The following NRXN3 variants were observed in gnomAD, a reference collection of about 807,000 sequenced individuals.
NRXN3 encodes the protein neurexin 3, also known as neurexin III.
NRXN3 carries 32 observed loss-of-function variants against 137.6 expected under a neutral mutation model. The ratio of observed to expected loss-of-function variants is 0.23; its 90% CI spans 0.18 to 0.31. The LOEUF (loss-of-function observed/expected upper bound fraction) is 0.31, where lower values mean the gene tolerates loss of function less well. NRXN3 is among the 10% of genes least tolerant of loss of function. The probability of loss-of-function intolerance (pLI) is 1.00; values close to 1 mark genes in which losing one functional copy is unlikely to be tolerated. For synonymous variants in NRXN3, 798 were observed against 784.5 expected (o/e 1.02, Z -0.29); for missense variants, 1,574 against 2,062.5 (o/e 0.76, Z 4.59).
chr14:78,332,042 C>G (rs1380885220), intron 4 of NRXN3, among the ~76,000 whole-genome samples: 5 of 152,140 alleles, frequency 3.3e-5, no homozygotes, highest in Admixed American at 3.3e-4. Flanking sequence ...GGCTCTGCCT[C>G]TATCCTTATC....
Position 79,297,368 on chromosome 14 carries a change from A to G in NRXN3, c.3263-169853A>G, listed in dbSNP as rs1051259727. Among the ~76,000 whole-genome samples, 4 of 152,182 alleles carry G rather than the reference A, an allele frequency of 2.6e-5. No individual in the cohort carries two copies. In the East Asian group the frequency reaches 7.7e-4, roughly 29 times the overall value. On this transcript the variant is annotated intron_variant, in intron 15 of 20. Transcript: ENST00000335750. ...TAACTGACTTTTTAAAAGTACAGGTATGTCCCATGCAATATTTGGAATATA... is the reference window on the plus strand; with the variant it reads ...TAACTGACTTTTTAAAAGTACAGGTGTGTCCCATGCAATATTTGGAATATA...
chr14:79,265,048 A>C (rs1313691352), intron 15 of NRXN3, among the ~76,000 whole-genome samples: 9 of 152,080 alleles, frequency 5.9e-5, no homozygotes, highest in Non-Finnish European at 1.0e-4. Flanking sequence ...TTAACTGGCC[A>C]AATGTCGTAT....
At chr14:79,741,906 A>T (rs1603458916) in intron 19 of NRXN3, among the ~76,000 whole-genome samples, 3 of 152,226 alleles carry the variant, frequency 2.0e-5, no homozygotes, top group East Asian at 3.8e-4. Flanking sequence ...CACACACAAC[A>T]TATACATATA....
intron 17 of NRXN3, among the ~76,000 whole-genome samples, chr14:79,679,941 C>G (rs756224930): frequency 6.6e-6 from 1 of 152,120 alleles, no homozygotes; most frequent in Non-Finnish European, 1.5e-5. Flanking sequence ...TAAATCACAG[C>G]ATTTAGCAGT....
intron 19 of NRXN3, among the ~76,000 whole-genome samples, chr14:79,753,244 C>T (rs1405425069): frequency 6.6e-6 from 1 of 151,906 alleles, no homozygotes; most frequent in Non-Finnish European, 1.5e-5. Context: ...GACTATAAAT[C>T]ATGCTGCTAT....
At chr14:79,720,849 A>G (rs1371039015) in intron 19 of NRXN3, among the ~76,000 whole-genome samples, 1 of 152,168 alleles carries the variant, frequency 6.6e-6, no homozygotes, top group Non-Finnish European at 1.5e-5. Context: ...GAATAATATT[A>G]AAATGAATAA....
intron 16 of NRXN3, among the ~76,000 whole-genome samples, chr14:79,660,827 A>G (rs974709906): frequency 2.0e-5 from 3 of 152,088 alleles, no homozygotes; most frequent in African/African-American, 7.2e-5. Flanking sequence ...AACAGCCCTC[A>G]TTTGTGGGGT....
At chr14:78,865,283 A>T (rs930113949) in intron 10 of NRXN3, among the ~76,000 whole-genome samples, 1 of 152,206 alleles carries the variant, frequency 6.6e-6, no homozygotes, top group African/African-American at 2.4e-5. Context: ...TATTGTATTA[A>T]CATTTCTATG....
At chr14:79,226,984 C>T (rs1207560658) in intron 15 of NRXN3, among the ~76,000 whole-genome samples, 2 of 151,780 alleles carry the variant, frequency 1.3e-5, no homozygotes, top group African/African-American at 4.8e-5. Context: ...CCACACCCAG[C>T]TAATTTTTGT....
At chr14:79,223,951 A>G (rs1233626106) in intron 15 of NRXN3, among the ~76,000 whole-genome samples, 1 of 152,008 alleles carries the variant, frequency 6.6e-6, no homozygotes, top group Admixed American at 6.6e-5. Flanking sequence ...GACGGGGAGG[A>G]GGAATGATGT....
chr14:79,858,977 TAAAA>T, intron 20 of NRXN3, among the ~76,000 whole-genome samples: 1 of 40,026 alleles, frequency 2.5e-5, no homozygotes. Flanking sequence ...GTTCACAATG[TAAAA>T]AAAAGAAAAA....
chr14:78,403,800 G>A lies in NRXN3; in HGVS notation c.757+105940G>A, dbSNP rs1293252038. 5.1e-6 allele frequency: 5 copies of A among 985,246 alleles called. No homozygotes were observed. In the East Asian group the frequency reaches 5.7e-4, roughly 112 times the overall value. The allele number at this position is 985,246 out of a possible 1,614,324, so 61.0% of individuals were successfully genotyped here. A position where few individuals can be genotyped will look rare whatever the true frequency, so the allele number is the denominator to read the frequency against. On this transcript the variant is annotated intron_variant, in intron 4 of 20. Coordinates refer to ENST00000335750, the MANE Select transcript of NRXN3 (RefSeq NM_001330195.2). Reference sequence around the variant, plus strand: ...GGTGGTCCCTCTCTTCGTTGTTTCTGCCCCCTGAGGTTGTGCTTTCTCAGG... The same window carrying A: ...GGTGGTCCCTCTCTTCGTTGTTTCTACCCCCTGAGGTTGTGCTTTCTCAGG...
chr14:78,773,808 GTTTC>G (rs1047440485), intron 8 of NRXN3, among the ~76,000 whole-genome samples: 2 of 151,968 alleles, frequency 1.3e-5, no homozygotes, highest in African/African-American at 4.8e-5. Flanking sequence ...TTGTTTGTTT[GTTTC>G]TTTATTTTGA....
intron 4 of NRXN3, among the ~76,000 whole-genome samples, chr14:78,358,127 T>C (rs1567354206): frequency 6.6e-6 from 1 of 152,184 alleles, no homozygotes; most frequent in Non-Finnish European, 1.5e-5. Flanking sequence ...GCTTAAGCTC[T>C]TTGAACCTTG....
intron 15 of NRXN3, among the ~76,000 whole-genome samples, chr14:79,264,736 A>G (rs191688853): frequency 6.6e-6 from 1 of 152,314 alleles, no homozygotes; most frequent in Non-Finnish European, 1.5e-5. Context: ...GTCTGTAACA[A>G]ATCCCAAACT....
At chr14:78,229,254 G>C (rs941551366) in intron 1 of NRXN3, among the ~76,000 whole-genome samples, 1 of 151,372 alleles carries the variant, frequency 6.6e-6, no homozygotes, top group African/African-American at 2.4e-5. Context: ...GCTTTTAACT[G>C]TCTTATGTTT....
intron 16 of NRXN3, among the ~76,000 whole-genome samples, chr14:79,644,373 A>G (rs1196847333): frequency 7.4e-6 from 1 of 135,924 alleles, no homozygotes; most frequent in African/African-American, 2.5e-5. Flanking sequence ...AAATCTCCTG[A>G]GAGAAGAAGG....
intron 19 of NRXN3, among the ~76,000 whole-genome samples, chr14:79,711,044 T>G (rs532803217): frequency 7.0e-4 from 106 of 152,236 alleles, no homozygotes; most frequent in African/African-American, 2.5e-3. Flanking sequence ...AAGAATAGGG[T>G]CTTTAATTTC....
At chr14:79,848,788 A>G (rs1013373682) in intron 20 of NRXN3, among the ~76,000 whole-genome samples, 1 of 152,100 alleles carries the variant, frequency 6.6e-6, no homozygotes. Flanking sequence ...GATCTGATCC[A>G]GCCTCTTGAC....
Sources: allele counts gnomAD v4.1 joint callset (sites outside exome capture counted in the v4.1 genomes callset), GRCh38; gene constraint gnomAD v4.1.1; transcripts MANE v1.5; gene names NCBI Gene and HGNC (gene_info 2026-07-23, HGNC 2026-07-21).